Variants in LONP2 observed in about 807,000 individuals in gnomAD.
LONP2 encodes lon peptidase 2, peroxisomal.
In LONP2, 60 loss-of-function variants were observed where a neutral mutation model predicts 85.6. The ratio of observed to expected loss-of-function variants is 0.70; its 90% CI spans 0.57 to 0.87. The LOEUF (loss-of-function observed/expected upper bound fraction) is 0.87, where lower values mean the gene tolerates loss of function less well. LONP2 is among the 40% of genes least tolerant of loss of function. The probability of loss-of-function intolerance (pLI) is 0.00; values close to 1 mark genes in which losing one functional copy is unlikely to be tolerated. For missense variants in LONP2, 860 were observed against 1,063.5 expected (o/e 0.81, Z 2.66); for synonymous variants, 395 against 389.7 (o/e 1.01, Z -0.16).
chr16:48,293,356 A>G (rs931232639), intron 8 of LONP2, among the ~76,000 whole-genome samples: 1 of 152,090 alleles, frequency 6.6e-6, no homozygotes, highest in East Asian at 1.9e-4. Flanking sequence ...TGAGCCCGGG[A>G]GGCGGAGCTT....
chr16:48,300,329 C>T (rs1166965642), intron 10 of LONP2, among the ~76,000 whole-genome samples: 2 of 152,112 alleles, frequency 1.3e-5, no homozygotes, highest in Non-Finnish European at 2.9e-5. Flanking sequence ...AGGTGCCTTC[C>T]CAAGTTTACT....
At chr16:48,264,580 G>A (rs1057073166) in intron 6 of LONP2, among the ~76,000 whole-genome samples, 17 of 152,100 alleles carry the variant, frequency 1.1e-4, no homozygotes, top group East Asian at 5.8e-4. Context: ...TGCAGTTAAC[G>A]CAATTATCAC....
intron 1 of LONP2, chr16:48,247,624 G>T (rs1191227640): frequency 6.6e-6 from 1 of 152,172 alleles, no homozygotes; most frequent in Non-Finnish European, 1.5e-5. Flanking sequence ...TGCTGACCCA[G>T]GGCACCCTGC....
rs967956974 is a variant in LONP2, at chr16:48,356,080, TTGG to T, written c.*4283_*4285del. The T allele has an allele frequency of 6.6e-6, 1 of 152,214 alleles. No homozygotes were observed. Among genetic ancestry groups the T allele is most frequent in the Admixed American group, 6.5e-5 (1 of 15,284 alleles). The allele number at this position is 152,214 out of a possible 1,614,324, so 9.4% of individuals were successfully genotyped here. A position where few individuals can be genotyped will look rare whatever the true frequency, so the allele number is the denominator to read the frequency against. ...ATCTGGGGCAGAGATCCTTACTTGCTTGGTGGTTACAAATGCAAATACAGTGAA... is the reference window on the plus strand; with the variant it reads ...ATCTGGGGCAGAGATCCTTACTTGCTTGGTTACAAATGCAAATACAGTGAA... On this transcript the variant is annotated 3_prime_UTR_variant, in exon 15 of 15. Coordinates refer to ENST00000285737, the MANE Select transcript of LONP2 (RefSeq NM_031490.5).
At position 48,347,669 on chromosome 16, in the gene LONP2, A is replaced by G; in HGVS notation, c.2101A>G (p.Ile701Val). 1 of 1,614,170 alleles carries G rather than the reference A, an allele frequency of 6.2e-7. No individual in the cohort carries two copies. The highest frequency in any genetic ancestry group is 8.5e-7 in the Non-Finnish European group (1 of 1,180,032). ...DVMKESAHLAISWLRSNAKKY... is the reference protein window; with the variant it reads ...DVMKESAHLAVSWLRSNAKKY... ...GATGAAGGAGTCCGCCCACCTCGCT[A>G]TCAGCTGGCTCCGCAGCAACGCAAA... Residue 701 changes from isoleucine (I) to valine (V), a missense_variant, in exon 13 of 15, where the codon ATC (isoleucine) becomes GTC (valine). Physicochemically the swap from Ile to Val is conservative, Grantham distance 29. This residue lies in a region of LONP2 where 743 missense variants were observed against 917.3 expected (regional missense o/e 0.81). Transcript: ENST00000285737.
At position 48,245,594 on chromosome 16, in the gene LONP2, T is replaced by G. The variant is rs1971327091; in HGVS notation, c.233+973T>G. Reference sequence around the variant, plus strand: ...TGTTTTAGCATTGAAAGTCCTATGTTTTAGCCCCTCCGTCCCAGGGAAACC... The same window carrying G: ...TGTTTTAGCATTGAAAGTCCTATGTGTTAGCCCCTCCGTCCCAGGGAAACC... On this transcript the variant is annotated intron_variant, in intron 1 of 14. Coordinates refer to ENST00000285737, the MANE Select transcript of LONP2 (RefSeq NM_031490.5). Among the ~76,000 whole-genome samples, 3 of 152,172 alleles carry G rather than the reference T, an allele frequency of 2.0e-5. No individual in the cohort carries two copies. The South Asian group carries it at 6.2e-4, about 31-fold the overall frequency.
At chr16:48,268,637 C>T (rs1596926372) in intron 6 of LONP2, among the ~76,000 whole-genome samples, 1 of 152,148 alleles carries the variant, frequency 6.6e-6, no homozygotes, top group South Asian at 2.1e-4. Context: ...TCAGGGCTAG[C>T]ACTGTGAAAC....
chr16:48,245,582 A>T (rs1368510662), intron 1 of LONP2, among the ~76,000 whole-genome samples: 1 of 152,210 alleles, frequency 6.6e-6, no homozygotes, highest in Non-Finnish European at 1.5e-5. Context: ...TTTAGCATTG[A>T]AAGTCCTATG....
intron 1 of LONP2, among the ~76,000 whole-genome samples, chr16:48,245,037 G>T (rs1596885831): frequency 6.6e-6 from 1 of 151,576 alleles, no homozygotes; most frequent in Non-Finnish European, 1.5e-5. Flanking sequence ...ACTCCTATCC[G>T]CCTCCCCTTT....
intron 12 of LONP2, chr16:48,334,661 G>C: frequency 3.4e-6 from 2 of 593,964 alleles, no homozygotes; most frequent in South Asian, 3.1e-5. Context: ...GCGCAGGGTG[G>C]ACTCTTTCTG....
intron 12 of LONP2, among the ~76,000 whole-genome samples, chr16:48,340,098 C>G (rs1344963762): frequency 6.6e-6 from 1 of 152,158 alleles, no homozygotes. Flanking sequence ...TAGAATCTTC[C>G]TGAATGTCAG....
At chr16:48,303,747 G>A (rs563928916) in intron 11 of LONP2, among the ~76,000 whole-genome samples, 6 of 152,234 alleles carry the variant, frequency 3.9e-5, no homozygotes, top group South Asian at 4.1e-4. Flanking sequence ...GTCTGTGGCC[G>A]AAGCCCCAAG....
chr16:48,343,276 CAA>C (rs1436168558), intron 12 of LONP2, among the ~76,000 whole-genome samples: 3 of 152,136 alleles, frequency 2.0e-5, no homozygotes, highest in East Asian at 3.9e-4. Context: ...GGAAGGGTCA[CAA>C]AGAGTTGTGC....
chr16:48,264,894 C>G (rs979493461), intron 6 of LONP2, among the ~76,000 whole-genome samples: 1 of 149,944 alleles, frequency 6.7e-6, no homozygotes, highest in Admixed American at 6.6e-5. Context: ...ACATTCCGAA[C>G]AACAGTGTAC....
chr16:48,341,831 C>CTAGG (rs1351715201), intron 12 of LONP2, among the ~76,000 whole-genome samples: 1 of 152,148 alleles, frequency 6.6e-6, no homozygotes. Flanking sequence ...CCCAGGAAGC[C>CTAGG]TAGGCATAGC....
chr16:48,278,230 C>T (rs1400675489), intron 8 of LONP2, among the ~76,000 whole-genome samples: 2 of 152,070 alleles, frequency 1.3e-5, no homozygotes, highest in African/African-American at 2.4e-5. Flanking sequence ...TTTCACCAAT[C>T]GTCTAATTCT....
At chr16:48,342,126 ATTCC>A (rs1166267595) in intron 12 of LONP2, among the ~76,000 whole-genome samples, 1 of 152,192 alleles carries the variant, frequency 6.6e-6, no homozygotes. Flanking sequence ...TCATTTGATT[ATTCC>A]TGACTCATGT....
At chr16:48,255,885 G>A (rs1319859720) in intron 2 of LONP2, among the ~76,000 whole-genome samples, 2 of 152,036 alleles carry the variant, frequency 1.3e-5, no homozygotes, top group African/African-American at 4.8e-5. Flanking sequence ...TTAAACCTCT[G>A]TCTTTTATAA....
intron 14 of LONP2, among the ~76,000 whole-genome samples, chr16:48,349,615 TGAAA>T (rs942036087): frequency 2.0e-5 from 3 of 152,088 alleles, no homozygotes; most frequent in African/African-American, 4.8e-5. Flanking sequence ...CAGCAGCACT[TGAAA>T]GAAAGGCCTG....
Sources: allele counts gnomAD v4.1 joint callset (sites outside exome capture counted in the v4.1 genomes callset), GRCh38; gene constraint gnomAD v4.1.1; regional missense constraint gnomAD v4.1.1; transcripts MANE v1.5; gene names NCBI Gene and HGNC (gene_info 2026-07-23, HGNC 2026-07-21).